Variants in SPTLC1 observed in about 807,000 individuals in gnomAD.
SPTLC1 encodes the protein serine palmitoyltransferase long chain base subunit 1, also known as serine palmitoyltransferase 1.
A neutral mutation model predicts 68.9 loss-of-function variants in SPTLC1; 55 were observed. That is an observed-to-expected ratio of 0.80 (90% CI 0.64 to 1.00). SPTLC1 has a LOEUF of 1.00. Among genes scored for constraint, SPTLC1 ranks in the 50% least tolerant of loss-of-function variants. The pLI is 0.00. For synonymous variants in SPTLC1, 197 were observed against 201.6 expected (o/e 0.98, Z 0.19); for missense variants, 449 against 573.1 (o/e 0.78, Z 2.21).
At position 92,068,008 on chromosome 9, in the gene SPTLC1, C is replaced by A; in HGVS notation, c.518G>T (p.Ser173Ile). The change falls in exon 6 of 15, where the codon AGT (serine) becomes ATT (isoleucine). Residue 173 changes from serine (S) to isoleucine (I), a missense_variant. Around this residue, in one of 3 missense-constraint regions of SPTLC1, gnomAD observed 391 missense variants for 472.1 expected, o/e 0.83. Transcript: ENST00000262554. ...IYSYGFATIASAIPAYSKRGD... is the reference protein window; with the variant it reads ...IYSYGFATIAIAIPAYSKRGD... ...TCTTTTAGAGTAAGCAGGAATAGCA[C>A]TGGCTATGGTGGCAAATCCATATGA... 6.2e-7 allele frequency: 1 copy of A among 1,614,092 alleles called. No homozygotes were observed. The highest frequency in any genetic ancestry group is 8.5e-7 in the Non-Finnish European group (1 of 1,179,994).
At chr9:92,037,202 G>A (rs1485987538) in intron 13 of SPTLC1, among the ~76,000 whole-genome samples, 1 of 152,204 alleles carries the variant, frequency 6.6e-6, no homozygotes, top group East Asian at 1.9e-4. Context: ...GCCTAGAAGA[G>A]CCTGCCTGAG....
Position 92,108,722 on chromosome 9 carries a change from G to A in SPTLC1, c.260+18C>T, listed in dbSNP as rs747911187. 6.3e-6 allele frequency: 10 copies of A among 1,590,792 alleles called. No individual in the cohort carries two copies. In the African/African-American group the frequency reaches 1.1e-4, roughly 17 times the overall value. ...AAGAAGCCAAATACAAGTACTTCAG[G>A]TAGCAAAATCAATTTACCCTGAAAC... On this transcript the variant is annotated intron_variant, in intron 3 of 14. Coordinates refer to ENST00000262554, the MANE Select transcript of SPTLC1 (RefSeq NM_006415.4).
chr9:92,062,848 C>T (rs1478124789), intron 6 of SPTLC1, among the ~76,000 whole-genome samples: 1 of 152,136 alleles, frequency 6.6e-6, no homozygotes, highest in African/African-American at 2.4e-5. Flanking sequence ...GAAAACACAA[C>T]ACATCAAAAT....
intron 10 of SPTLC1, 150 bp from the exon 11 acceptor site, chr9:92,047,418 A>G: frequency 1.3e-6 from 1 of 772,574 alleles, no homozygotes; most frequent in East Asian, 2.7e-5. Context: ...TTATACGTGT[A>G]ACAGCAACAA....
At chr9:92,075,748 C>G (rs900529462) in intron 5 of SPTLC1, among the ~76,000 whole-genome samples, 10 of 152,208 alleles carry the variant, frequency 6.6e-5, no homozygotes, top group African/African-American at 1.7e-4. Context: ...AAAACATACT[C>G]TCGGCTCCCC....
intron 3 of SPTLC1, among the ~76,000 whole-genome samples, chr9:92,103,789 G>A (rs1414034744): frequency 2.0e-5 from 3 of 152,238 alleles, no homozygotes; most frequent in Non-Finnish European, 2.9e-5. Context: ...TCTGCTTCCA[G>A]GTTCTGGCCC....
At chr9:92,114,997 A>T in intron 1 of SPTLC1, 1 of 462,124 alleles carries the variant, frequency 2.2e-6, no homozygotes, top group Non-Finnish European at 4.0e-6. Context: ...ACTCCGTTTT[A>T]TCGTCCGTCT....
In SPTLC1 at chr9:92,059,362, T is replaced by C. The variant is rs139200143; in HGVS notation, c.561-54A>G. 349 of 1,602,694 alleles carry C rather than the reference T, an allele frequency of 2.2e-4. 2 individuals carry two copies. In the African/African-American group the frequency reaches 4.0e-3, roughly 18 times the overall value. On this transcript the variant is annotated intron_variant, in intron 6 of 14. Transcript: ENST00000262554. ...GGTTTAAAGGGTCTTGTCAACATTC[T>C]CAAAAAGGAATGCTTGTTTTTGTAA...
intron 3 of SPTLC1, among the ~76,000 whole-genome samples, chr9:92,102,170 C>G (rs954720359): frequency 1.3e-5 from 2 of 152,198 alleles, no homozygotes; most frequent in African/African-American, 2.4e-5. Flanking sequence ...GCAAAGAGTA[C>G]TGTACTGAGC....
At position 92,032,131 on chromosome 9, in the gene SPTLC1, G is replaced by C. The variant is rs564259149; in HGVS notation, c.*334C>G. 13 of 714,040 alleles carry C rather than the reference G, an allele frequency of 1.8e-5. No homozygotes were observed. Among genetic ancestry groups the C allele is most frequent in the Non-Finnish European group, 2.9e-5 (13 of 446,992 alleles). 44.2% of individuals were successfully genotyped at this position (714,040 alleles called of 1,614,324 possible). A position where few individuals can be genotyped will look rare whatever the true frequency, so the allele number is the denominator to read the frequency against. On this transcript the variant is annotated 3_prime_UTR_variant, in exon 15 of 15. Coordinates refer to ENST00000262554, the MANE Select transcript of SPTLC1 (RefSeq NM_006415.4). The stretch of plus-strand genomic sequence containing the variant: ...TTAGAGGGAGGGAAGAGACACTGAA[G>C]CTCCAGTTTTAAACGACAACAAAAG...
intron 2 of SPTLC1, 123 bp downstream of exon 2, chr9:92,112,332 G>A: frequency 1.4e-6 from 1 of 705,986 alleles, no homozygotes; most frequent in Non-Finnish European, 2.5e-6. Flanking sequence ...CATTCCCCTT[G>A]ATTTCCTTAC....
In SPTLC1 at chr9:92,055,447, T is replaced by G. The variant is rs757436540; in HGVS notation, c.738A>C (p.Gly246=). 1 of 1,613,788 alleles carries G rather than the reference T, an allele frequency of 6.2e-7. No individual in the cohort carries two copies. The highest frequency in any genetic ancestry group is 8.5e-7 in the Non-Finnish European group (1 of 1,179,890). Residue 246 remains glycine (G), a synonymous_variant, in exon 8 of 15, where the codon GGA becomes GGC. Coordinates refer to ENST00000262554, the MANE Select transcript of SPTLC1 (RefSeq NM_006415.4). ...RVTRRFIVVE[G]LYMNTGTICP... Reference sequence around the variant, plus strand: ...AAATAGTTCCAGTATTCATATACAATCCTTCTACTACAATGAAACGCCGAG... The same window carrying G: ...AAATAGTTCCAGTATTCATATACAAGCCTTCTACTACAATGAAACGCCGAG...
intron 3 of SPTLC1, among the ~76,000 whole-genome samples, chr9:92,106,599 G>A (rs1365745422): frequency 6.6e-6 from 1 of 151,834 alleles, no homozygotes; most frequent in Non-Finnish European, 1.5e-5. Context: ...CCAGCTCCTC[G>A]TCTTACTCTG....
At position 92,047,204 on chromosome 9, in the gene SPTLC1, A is replaced by G; in HGVS notation, c.1049T>C (p.Ile350Thr). 1 of 1,614,110 alleles carries G rather than the reference A, an allele frequency of 6.2e-7. No homozygotes were observed. The highest frequency in any genetic ancestry group is 8.5e-7 in the Non-Finnish European group (1 of 1,179,974). ...SLPPLLAAAA[I>T]EALNIMEENP... ...CTCTTCCATGATGTTGAGGGCCTCA[A>G]TTGCTGCAGCAGCTAACAGGGGAGG... Residue 350 changes from isoleucine to threonine, a missense_variant, in exon 11 of 15, where the codon ATT becomes ACT. This residue lies in a region of SPTLC1 where 391 missense variants were observed against 472.1 expected (regional missense o/e 0.83). Transcript: ENST00000262554.
chr9:92,042,458 T>C (rs150068145), intron 12 of SPTLC1, among the ~76,000 whole-genome samples: 55 of 152,326 alleles, frequency 3.6e-4, no homozygotes, highest in African/African-American at 1.2e-3. Context: ...ATAATATTCT[T>C]ATGAATCAGC....
At chr9:92,038,936 C>T (rs1356866309) in intron 12 of SPTLC1, among the ~76,000 whole-genome samples, 1 of 152,216 alleles carries the variant, frequency 6.6e-6, no homozygotes, top group African/African-American at 2.4e-5. Flanking sequence ...TGATTTCTAA[C>T]ATTAACAACA....
intron 3 of SPTLC1, among the ~76,000 whole-genome samples, chr9:92,084,481 T>G (rs1297173678): frequency 6.6e-6 from 1 of 152,268 alleles, no homozygotes; most frequent in Non-Finnish European, 1.5e-5. Flanking sequence ...AGGCCTTTTC[T>G]GCATCTATTG....
Position 92,046,048 on chromosome 9 carries a change from A to G in SPTLC1, c.1087T>C (p.Phe363Leu). The change falls in exon 12 of 15, where the codon TTT (phenylalanine) becomes CTT (leucine). Residue 363 changes from phenylalanine (F) to leucine (L), a missense_variant. This residue lies in a region of SPTLC1 where 391 missense variants were observed against 472.1 expected (regional missense o/e 0.83). Coordinates refer to ENST00000262554, the MANE Select transcript of SPTLC1 (RefSeq NM_006415.4). ...LNIMEENPGI[F>L]AVLKEKCGQI... ...CCGCACTTTTCCTTCAACACTGCAA[A>G]AATACCTAGATGAAAAAAATACGTT... The G allele has an allele frequency of 6.2e-7, 1 of 1,613,018 alleles. No homozygotes were observed. Among genetic ancestry groups the G allele is most frequent in the Non-Finnish European group, 8.5e-7 (1 of 1,179,424 alleles).
At chr9:92,047,355 C>T in intron 10 of SPTLC1, 87 bp from the exon 11 acceptor site, 3 of 1,106,802 alleles carry the variant, frequency 2.7e-6, no homozygotes, top group East Asian at 2.4e-5. Flanking sequence ...AGAACAACTA[C>T]TGAACAGTGT....
Sources: gnomAD v4.1 joint callset for allele counts (sites outside exome capture counted in the v4.1 genomes callset) on GRCh38, gnomAD v4.1.1 for gene constraint, gnomAD v4.1.1 regional missense constraint, MANE v1.5 for transcripts, NCBI Gene and HGNC (gene_info 2026-07-23, HGNC 2026-07-21) for gene names.